Variants in GALNT17 observed in about 807,000 individuals in gnomAD.
GALNT17 encodes polypeptide N-acetylgalactosaminyltransferase 17, also known as UDP-GalNAc:polypeptide N-acetylgalactosaminyltransferase-like 3.
A neutral mutation model predicts 63.7 loss-of-function variants in GALNT17; 29 were observed. The ratio of observed to expected loss-of-function variants is 0.46; its 90% CI spans 0.34 to 0.62. GALNT17 has a LOEUF of 0.62. GALNT17 is among the 20% of genes least tolerant of loss of function. The probability of loss-of-function intolerance (pLI) is 0.01; values close to 1 mark genes in which losing one functional copy is unlikely to be tolerated. For synonymous variants in GALNT17, 305 were observed against 318.3 expected (o/e 0.96, Z 0.45); for missense variants, 603 against 799.6 (o/e 0.75, Z 2.97).
At chr7:71,400,845 C>T (rs745563933) in intron 3 of GALNT17, among the ~76,000 whole-genome samples, 12 of 152,182 alleles carry the variant, frequency 7.9e-5, no homozygotes, top group Non-Finnish European at 1.3e-4. Context: ...AGGGTCCCTG[C>T]TCAGGTGACA....
intron 2 of GALNT17, among the ~76,000 whole-genome samples, chr7:71,337,130 T>G (rs565308935): frequency 4.6e-5 from 7 of 152,330 alleles, no homozygotes; most frequent in African/African-American, 1.7e-4. Context: ...TATTGAAGTT[T>G]TAGTGTATTG....
chr7:71,317,930 G>T (rs533208587), intron 1 of GALNT17, among the ~76,000 whole-genome samples: 2 of 152,114 alleles, frequency 1.3e-5, no homozygotes, highest in South Asian at 4.1e-4. Flanking sequence ...AATTTTTGGG[G>T]TGGGAGAGGG....
intron 1 of GALNT17, among the ~76,000 whole-genome samples, chr7:71,246,274 C>T (rs1018022957): frequency 2.0e-5 from 3 of 151,272 alleles, no homozygotes; most frequent in Non-Finnish European, 4.4e-5. Context: ...GGCACCCACC[C>T]ACCACTCCTG....
At position 71,570,742 on chromosome 7, in the gene GALNT17, C is replaced by T. The variant is rs138433671; in HGVS notation, c.963-543C>T. On this transcript the variant is annotated intron_variant, in intron 5 of 10. Coordinates refer to ENST00000333538, the MANE Select transcript of GALNT17 (RefSeq NM_022479.3). ...TGCCTGTAATCCCAGCACTTTGGGA[C>T]GCTGAGGTGGGCAGATCACCTGAGG... Among the ~76,000 whole-genome samples the T allele has an allele frequency of 4.5e-3, 680 of 152,042 alleles. 12 individuals are homozygous for T. The highest frequency in any genetic ancestry group is 0.016 in the African/African-American group (647 of 41,476).
chr7:71,177,511 G>A (rs552361496), intron 1 of GALNT17, among the ~76,000 whole-genome samples: 1 of 152,134 alleles, frequency 6.6e-6, no homozygotes, highest in African/African-American at 2.4e-5. Context: ...TTGAAATACC[G>A]AGACAGTTTC....
intron 2 of GALNT17, among the ~76,000 whole-genome samples, chr7:71,336,589 G>C (rs1791912841): frequency 6.6e-6 from 1 of 152,128 alleles, no homozygotes; most frequent in Non-Finnish European, 1.5e-5. Flanking sequence ...GTGAGAACTG[G>C]TGGTATTTGG....
chr7:71,350,861 C>T (rs541899306), intron 2 of GALNT17, among the ~76,000 whole-genome samples: 1 of 152,300 alleles, frequency 6.6e-6, no homozygotes, highest in South Asian at 2.1e-4. Context: ...CTGGCAGCGG[C>T]TGGGCGCAGT....
At position 71,712,399 on chromosome 7, in the gene GALNT17, C is replaced by T. The variant is rs1036239670; in HGVS notation, c.*253C>T. 1.1e-4 allele frequency: 40 copies of T among 375,666 alleles called. No individual in the cohort carries two copies. Among genetic ancestry groups the T allele is most frequent in the Non-Finnish European group, 1.9e-4 (38 of 203,056 alleles). The allele number at this position is 375,666 out of a possible 1,614,324, so 23.3% of individuals were successfully genotyped here. ...CTCTGGGAAACTGACAGCTGTCTTC[C>T]ACAGCCTCTGATGTGGACCTGGTAC... On this transcript the variant is annotated 3_prime_UTR_variant, in exon 11 of 11. Coordinates refer to ENST00000333538, the MANE Select transcript of GALNT17 (RefSeq NM_022479.3).
intron 5 of GALNT17, among the ~76,000 whole-genome samples, chr7:71,526,075 C>T (rs10950262): frequency 0.67 from 102,163 of 151,910 alleles, 34,671 homozygotes; most frequent in Non-Finnish European, 0.73. Context: ...GAAAACAGAC[C>T]AATGCACACA....
At chr7:71,406,374 G>T (rs754774817) in intron 3 of GALNT17, among the ~76,000 whole-genome samples, 11 of 152,076 alleles carry the variant, frequency 7.2e-5, no homozygotes, top group Admixed American at 2.0e-4. Flanking sequence ...GCCCCTTGTT[G>T]TGTGTTTACA....
chr7:71,216,973 A>C (rs1278127422), intron 1 of GALNT17, among the ~76,000 whole-genome samples: 1 of 151,402 alleles, frequency 6.6e-6, no homozygotes, highest in African/African-American at 2.4e-5. Flanking sequence ...TTTTAGTTTT[A>C]TTTTGTTTGA....
rs553200738 is a variant in GALNT17 at position 71,332,888 on chromosome 7, A to G, written c.239-2662A>G. On this transcript the variant is annotated intron_variant, in intron 1 of 10. Transcript: ENST00000333538. ...ATTTTTAGTAGAGACGGGATTCATC[A>G]TGTTGGCCAGGCTGGTCCCGAACTC... 2.8e-3 allele frequency among the ~76,000 whole-genome samples: 431 copies of G among 152,158 alleles called. 1 individual carries two copies. Among genetic ancestry groups the G allele is most frequent in the Non-Finnish European group, 4.7e-3 (323 of 68,020 alleles).
chr7:71,492,871 A>G (rs1243452032), intron 5 of GALNT17, among the ~76,000 whole-genome samples: 1 of 152,164 alleles, frequency 6.6e-6, no homozygotes, highest in African/African-American at 2.4e-5. Flanking sequence ...GTGGATTATG[A>G]TGGACCAGAG....
At chr7:71,357,908 G>A (rs952576838) in intron 2 of GALNT17, among the ~76,000 whole-genome samples, 3 of 152,172 alleles carry the variant, frequency 2.0e-5, no homozygotes, top group African/African-American at 7.2e-5. Context: ...CAATCAGCAG[G>A]ATCCTAAAAG....
intron 5 of GALNT17, among the ~76,000 whole-genome samples, chr7:71,549,302 C>T (rs1308656490): frequency 1.3e-5 from 2 of 152,166 alleles, no homozygotes; most frequent in Non-Finnish European, 2.9e-5. Flanking sequence ...CACGGTGGCT[C>T]ATTCCTGTAT....
intron 5 of GALNT17, among the ~76,000 whole-genome samples, chr7:71,538,158 G>A (rs894084196): frequency 7.2e-5 from 11 of 152,146 alleles, no homozygotes; most frequent in Non-Finnish European, 1.6e-4. Context: ...TTAACTGAAC[G>A]AACATTGATA....
chr7:71,358,113 C>G (rs983649999), intron 2 of GALNT17, among the ~76,000 whole-genome samples: 5 of 152,112 alleles, frequency 3.3e-5, no homozygotes, highest in Non-Finnish European at 5.9e-5. Flanking sequence ...CTTTTTGGGT[C>G]GGTGCCACCT....
At chr7:71,566,739 G>A (rs1789354651) in intron 5 of GALNT17, among the ~76,000 whole-genome samples, 1 of 149,264 alleles carries the variant, frequency 6.7e-6, no homozygotes, top group Admixed American at 6.8e-5. Context: ...CCGTTTGGTT[G>A]CAAAGAACGG....
intron 1 of GALNT17, among the ~76,000 whole-genome samples, chr7:71,135,072 G>A (rs943759183): frequency 9.9e-5 from 15 of 151,896 alleles, no homozygotes; most frequent in Non-Finnish European, 4.4e-5. Context: ...GGCTGGTCTC[G>A]AATTCCTGGC....
Sources: allele counts gnomAD v4.1 joint callset (sites outside exome capture counted in the v4.1 genomes callset), GRCh38; gene constraint gnomAD v4.1.1; transcripts MANE v1.5; gene names NCBI Gene and HGNC (gene_info 2026-07-23, HGNC 2026-07-21).